The following SAMD12 variants were observed in gnomAD, a reference collection of about 807,000 sequenced individuals.
SAMD12 encodes the protein sterile alpha motif domain-containing protein 12.
Under a neutral mutation model 15.0 loss-of-function variants are expected in SAMD12, and 9 were observed. The ratio of observed to expected loss-of-function variants is 0.60; its 90% CI spans 0.36 to 1.05. SAMD12 has a LOEUF of 1.05. Ranked by LOEUF, SAMD12 falls within the 50% of genes least tolerant of loss-of-function variation. SAMD12 has a pLI of 0.01. For missense variants in SAMD12, 230 were observed against 234.2 expected (o/e 0.98, Z 0.12); for synonymous variants, 86 against 90.1 (o/e 0.96, Z 0.25).
intron 2 of SAMD12, among the ~76,000 whole-genome samples, chr8:118,449,912 T>C (rs1204239809): frequency 6.6e-6 from 1 of 152,112 alleles, no homozygotes; most frequent in Non-Finnish European, 1.5e-5. Context: ...TTTCTCTTTA[T>C]TCAGGCCTGG....
At chr8:118,204,595 A>T (rs1381902869) in intron 4 of SAMD12, among the ~76,000 whole-genome samples, 1 of 152,080 alleles carries the variant, frequency 6.6e-6, no homozygotes, top group African/African-American at 2.4e-5. Flanking sequence ...TCCACTAAAA[A>T]TACAAAAAAT....
chr8:118,462,187 T>C (rs1231131135), intron 2 of SAMD12, among the ~76,000 whole-genome samples: 1 of 152,246 alleles, frequency 6.6e-6, no homozygotes, highest in African/African-American at 2.4e-5. Flanking sequence ...TTCAGTATTA[T>C]GTGCACATCT....
At chr8:118,290,230 C>G (rs1430375632) in intron 4 of SAMD12, among the ~76,000 whole-genome samples, 1 of 152,210 alleles carries the variant, frequency 6.6e-6, no homozygotes, top group Non-Finnish European at 1.5e-5. Context: ...TTTCTATGGT[C>G]TTTCAAATGC....
intron 4 of SAMD12, among the ~76,000 whole-genome samples, chr8:118,201,576 A>G (rs983713973): frequency 1.3e-5 from 2 of 152,238 alleles, no homozygotes; most frequent in African/African-American, 2.4e-5. Context: ...AGTGTCAGGT[A>G]TACAGAAAGT....
At chr8:118,552,629 G>C (rs1394005256) in intron 2 of SAMD12, among the ~76,000 whole-genome samples, 1 of 152,174 alleles carries the variant, frequency 6.6e-6, no homozygotes. Context: ...ACAAGACAGG[G>C]ATGCCCTCTC....
At chr8:118,416,351 C>T (rs909562578) in intron 3 of SAMD12, among the ~76,000 whole-genome samples, 3 of 152,124 alleles carry the variant, frequency 2.0e-5, no homozygotes, top group African/African-American at 7.2e-5. Context: ...GGCTAACAGG[C>T]ATCAACTCTT....
At chr8:118,508,064 G>C (rs1254191855) in intron 2 of SAMD12, among the ~76,000 whole-genome samples, 2 of 136,896 alleles carry the variant, frequency 1.5e-5, no homozygotes, top group Non-Finnish European at 3.0e-5. Context: ...TGCCATCATA[G>C]CTCACTGCAG....
chr8:118,198,410 T>C (rs1011946474), intron 4 of SAMD12, among the ~76,000 whole-genome samples: 4 of 152,208 alleles, frequency 2.6e-5, no homozygotes, highest in African/African-American at 9.6e-5. Context: ...CGTTATTTTA[T>C]TTGGGTACTC....
chr8:118,566,248 C>T (rs745782606), intron 2 of SAMD12, among the ~76,000 whole-genome samples: 6 of 152,176 alleles, frequency 3.9e-5, no homozygotes, highest in African/African-American at 1.4e-4. Flanking sequence ...AAGGCAGATC[C>T]TGCGCCCATC....
chr8:118,528,193 A>T (rs1192536350), intron 2 of SAMD12, among the ~76,000 whole-genome samples: 1 of 151,990 alleles, frequency 6.6e-6, no homozygotes, highest in Non-Finnish European at 1.5e-5. Flanking sequence ...TAATCAGCTA[A>T]TTTTTTATTT....
intron 4 of SAMD12, among the ~76,000 whole-genome samples, chr8:118,340,996 C>A (rs1817336642): frequency 6.6e-6 from 1 of 152,170 alleles, no homozygotes; most frequent in Non-Finnish European, 1.5e-5. Flanking sequence ...TTTGTTCACA[C>A]TTTTGTGGGT....
chr8:118,425,230 G>C (rs1302232859), intron 3 of SAMD12, among the ~76,000 whole-genome samples: 1 of 152,170 alleles, frequency 6.6e-6, no homozygotes, highest in African/African-American at 2.4e-5. Context: ...GAGCCACCGT[G>C]CCCAGCTGTG....
chr8:118,180,220 C>T, the SAMD12 span, among the ~76,000 whole-genome samples: 3 of 152,152 alleles, frequency 2.0e-5, no homozygotes, highest in South Asian at 2.1e-4. Context: ...AATATCTATC[C>T]GTGTCTCATT....
the SAMD12 span, among the ~76,000 whole-genome samples, chr8:118,155,021 G>T: frequency 3.9e-5 from 6 of 152,152 alleles, no homozygotes; most frequent in Non-Finnish European, 8.8e-5. Flanking sequence ...CTGTTAGCAA[G>T]ACTGCTCACA....
At chr8:118,218,856 A>G (rs1812022230) in intron 4 of SAMD12, among the ~76,000 whole-genome samples, 1 of 152,084 alleles carries the variant, frequency 6.6e-6, no homozygotes, top group African/African-American at 2.4e-5. Flanking sequence ...TCCTCTTTCC[A>G]TGAATCCTAA....
chr8:118,164,825 A>G, the SAMD12 span, among the ~76,000 whole-genome samples: 1 of 151,958 alleles, frequency 6.6e-6, no homozygotes, highest in South Asian at 2.1e-4. Flanking sequence ...ATATATATAT[A>G]CACACATATA....
chr8:118,325,393 T>A (rs1816517850), intron 4 of SAMD12, among the ~76,000 whole-genome samples: 1 of 152,194 alleles, frequency 6.6e-6, no homozygotes, highest in Non-Finnish European at 1.5e-5. Context: ...AGAAGGAAGC[T>A]GTGAAGACTT....
chr8:118,145,887 G>A, the SAMD12 span, among the ~76,000 whole-genome samples: 1 of 152,230 alleles, frequency 6.6e-6, no homozygotes, highest in Non-Finnish European at 1.5e-5. Context: ...GCCTCAGCTT[G>A]AAAGCTGAGG....
chr8:118,282,577 G>A (rs565096062), intron 4 of SAMD12, among the ~76,000 whole-genome samples: 1 of 152,178 alleles, frequency 6.6e-6, no homozygotes, highest in Admixed American at 6.5e-5. Flanking sequence ...GTAACTATAG[G>A]GGGGCTGGGG....
Sources: allele counts gnomAD v4.1 joint callset (sites outside exome capture counted in the v4.1 genomes callset), GRCh38; gene constraint gnomAD v4.1.1; transcripts MANE v1.5; gene names NCBI Gene and HGNC (gene_info 2026-07-23, HGNC 2026-07-21).